The following ZNF407 variants were observed in gnomAD, a reference collection of about 807,000 sequenced individuals.
ZNF407 encodes zinc finger protein 407.
ZNF407 carries 17 observed loss-of-function variants against 131.2 expected under a neutral mutation model. That is an observed-to-expected ratio of 0.13 (90% CI 0.09 to 0.19). The LOEUF is 0.19. Among genes scored for constraint, ZNF407 ranks in the 10% least tolerant of loss-of-function variants. ZNF407 has a pLI of 1.00. For synonymous variants in ZNF407, 1,156 were observed against 1,062.0 expected, an observed-to-expected ratio of 1.09 and a Z score of -1.72; for missense variants, 2,681 against 2,830.6, an observed-to-expected ratio of 0.95 and a Z score of 1.20.
intron 8 of ZNF407, among the ~76,000 whole-genome samples, chr18:75,007,640 AAT>A (rs1247868038): frequency 6.6e-6 from 1 of 152,182 alleles, no homozygotes. Context: ...TATGGTCTCT[AAT>A]ATGTTAGAAT....
Position 75,063,600 on chromosome 18 carries a change from G to A in ZNF407, c.5879G>A (p.Gly1960Asp), listed in dbSNP as rs1973668003. ...GHGMDESLSP[G>D]GAVIQQVTKQ... is the part of the protein sequence containing the mutation. ...GGCATGGATGAGTCCCTCAGTCCAGGTGGCGCTGTGATACAACAGGTGACC... is the reference window on the plus strand; with the variant it reads ...GGCATGGATGAGTCCCTCAGTCCAGATGGCGCTGTGATACAACAGGTGACC... The change falls in exon 9 of 9, where the codon GGT becomes GAT. Residue 1960 changes from glycine (G) to aspartate (D), a missense_variant. Coordinates refer to ENST00000299687, the MANE Select transcript of ZNF407 (RefSeq NM_017757.3). This position sits in a 1 kb window ranked among gnomAD's most constrained non-coding sequence, Gnocchi z 6.6. 1 of 1,573,378 alleles carries A rather than the reference G, an allele frequency of 6.4e-7. No homozygotes were observed. Among genetic ancestry groups the A allele is most frequent in the Non-Finnish European group, 8.6e-7 (1 of 1,161,054 alleles).
intron 3 of ZNF407, among the ~76,000 whole-genome samples, chr18:74,642,694 C>T (rs1984780285): frequency 6.6e-6 from 1 of 152,204 alleles, no homozygotes; most frequent in East Asian, 1.9e-4. Flanking sequence ...TTACCTCATA[C>T]AACTGAAATA....
At chr18:75,054,941 A>C (rs1973544612) in intron 8 of ZNF407, among the ~76,000 whole-genome samples, 1 of 152,184 alleles carries the variant, frequency 6.6e-6, no homozygotes, top group Admixed American at 6.5e-5. Flanking sequence ...AGCCATTGTC[A>C]CTAATGCTCA....
intron 3 of ZNF407, among the ~76,000 whole-genome samples, chr18:74,738,888 G>T: frequency 6.6e-6 from 1 of 152,030 alleles, no homozygotes; most frequent in Non-Finnish European, 1.5e-5. Context: ...GTTTGTTTAA[G>T]GAGATTTGAA....
intron 3 of ZNF407, among the ~76,000 whole-genome samples, chr18:74,697,086 A>G (rs572317716): frequency 1.2e-3 from 176 of 152,334 alleles, no homozygotes; most frequent in African/African-American, 3.9e-3. Context: ...GCAGCTAAAC[A>G]GTAGAGCCAT....
rs1986184708 is a variant in ZNF407 at position 74,672,480 on chromosome 18, C to CATTGGAGCACT, written c.4802+31358_4802+31359insATTGGAGCACT. The stretch of plus-strand genomic sequence containing the variant: ...GAGCACTGTTTGTTCATTGGAGCAC[C>CATTGGAGCACT]GTTTGTCTGTTCGTTGGAGCACTGT... On this transcript the variant is annotated intron_variant, in intron 3 of 8. Coordinates refer to ENST00000299687, the MANE Select transcript of ZNF407 (RefSeq NM_017757.3). Among the ~76,000 whole-genome samples the CATTGGAGCACT allele has an allele frequency of 4.8e-4, 7 of 14,476 alleles. No individual in the cohort carries two copies. The East Asian group carries it at 0.021, about 43-fold the overall frequency. The allele number at this position is 14,476 out of a possible 152,430, so 9.5% of individuals were successfully genotyped here. A position where few individuals can be genotyped will look rare whatever the true frequency, so the allele number is the denominator to read the frequency against.
intron 8 of ZNF407, among the ~76,000 whole-genome samples, chr18:74,938,656 A>C (rs1375026039): frequency 6.6e-6 from 1 of 152,210 alleles, no homozygotes; most frequent in Non-Finnish European, 1.5e-5. Flanking sequence ...GGATGAATGT[A>C]GATTGCACCT....
chr18:74,912,222 C>T (rs944091726), intron 7 of ZNF407, among the ~76,000 whole-genome samples: 2 of 152,020 alleles, frequency 1.3e-5, no homozygotes, highest in Non-Finnish European at 2.9e-5. Flanking sequence ...TAGAAATTAC[C>T]TGGGTATGTC....
intron 8 of ZNF407, among the ~76,000 whole-genome samples, chr18:75,031,245 A>C (rs777291021): frequency 3.3e-5 from 5 of 152,242 alleles, no homozygotes; most frequent in Non-Finnish European, 5.9e-5. Flanking sequence ...AAACAGCTTC[A>C]GGTAACAGGA....
intron 3 of ZNF407, among the ~76,000 whole-genome samples, chr18:74,677,396 T>C (rs1986436871): frequency 6.6e-6 from 1 of 152,206 alleles, no homozygotes; most frequent in South Asian, 2.1e-4. Flanking sequence ...GGGTCATCTT[T>C]TAATTTATTC....
chr18:74,730,061 G>T (rs1968259039), intron 3 of ZNF407, among the ~76,000 whole-genome samples: 1 of 152,138 alleles, frequency 6.6e-6, no homozygotes, highest in South Asian at 2.1e-4. Flanking sequence ...AAACGCCTGT[G>T]GAAGGCCATG....
At chr18:74,802,507 A>G (rs1210081394) in intron 4 of ZNF407, among the ~76,000 whole-genome samples, 2 of 152,300 alleles carry the variant, frequency 1.3e-5, no homozygotes, top group Non-Finnish European at 2.9e-5. Flanking sequence ...TATGTATTGG[A>G]AGGAGAGGGA....
chr18:74,828,604 T>C (rs567293476), intron 4 of ZNF407, among the ~76,000 whole-genome samples: 53 of 152,358 alleles, frequency 3.5e-4, no homozygotes, highest in African/African-American at 1.2e-3. Context: ...TAGCACTGCT[T>C]ATGGGAACCT....
chr18:74,897,586 A>G (rs2145204349), intron 7 of ZNF407, among the ~76,000 whole-genome samples: 1 of 152,312 alleles, frequency 6.6e-6, no homozygotes, highest in East Asian at 1.9e-4. Flanking sequence ...ATATATCTGT[A>G]TATATTGTGG....
chr18:74,649,990 A>G (rs1985153159), intron 3 of ZNF407, among the ~76,000 whole-genome samples: 2 of 152,222 alleles, frequency 1.3e-5, no homozygotes, highest in East Asian at 1.9e-4. Context: ...AGAATTAACT[A>G]TTAAGTGATG....
At chr18:75,026,658 G>A (rs1447736253) in intron 8 of ZNF407, among the ~76,000 whole-genome samples, 1 of 152,236 alleles carries the variant, frequency 6.6e-6, no homozygotes, top group Non-Finnish European at 1.5e-5. Context: ...CGCAGTTCAA[G>A]AGGTAGTAAT....
intron 3 of ZNF407, among the ~76,000 whole-genome samples, chr18:74,691,568 A>G (rs1057358367): frequency 1.1e-4 from 16 of 151,060 alleles, no homozygotes; most frequent in African/African-American, 3.9e-4. Context: ...ACTCTTTATT[A>G]TTCCTTTCCT....
chr18:74,739,570 C>G, intron 3 of ZNF407, among the ~76,000 whole-genome samples: 1 of 151,706 alleles, frequency 6.6e-6, no homozygotes, highest in Non-Finnish European at 1.5e-5. Context: ...AGAGGGAGAA[C>G]ATGCTTTGGA....
At chr18:74,901,340 G>A (rs1002598990) in intron 7 of ZNF407, among the ~76,000 whole-genome samples, 1 of 152,132 alleles carries the variant, frequency 6.6e-6, no homozygotes, top group African/African-American at 2.4e-5. Context: ...TAAAAACAGT[G>A]ATGTATTTCC....
Sources: allele counts gnomAD v4.1 joint callset (sites outside exome capture counted in the v4.1 genomes callset), GRCh38; gene constraint gnomAD v4.1.1; non-coding constraint Gnocchi (gnomAD v3.1); transcripts MANE v1.5; gene names NCBI Gene and HGNC (gene_info 2026-07-23, HGNC 2026-07-21).